ERMP1: variants seen among roughly 807,000 people sequenced by gnomAD.
The protein encoded by ERMP1 is endoplasmic reticulum metallopeptidase 1.
In ERMP1, 86 loss-of-function variants were observed where a neutral mutation model predicts 92.0. The ratio of observed to expected loss-of-function variants is 0.93; its 90% confidence interval spans 0.79 to 1.12. ERMP1 has a LOEUF of 1.12. Ranked by LOEUF, ERMP1 falls within the 50% of genes most tolerant of loss-of-function variation. ERMP1 has a pLI of 0.00. For synonymous variants in ERMP1, 530 were observed against 412.8 expected (o/e 1.28, Z -3.44); for missense variants, 1,342 against 1,116.3 (o/e 1.20, Z -2.88).
intron 13 of ERMP1, among the ~76,000 whole-genome samples, chr9:5,795,657 A>G (rs1367114012): frequency 6.6e-6 from 1 of 152,184 alleles, no homozygotes; most frequent in Non-Finnish European, 1.5e-5. Context: ...GGGTGCCTGT[A>G]TTCCCAGCTA....
chr9:5,838,952 A>G (rs1235065572), intron 6 of ERMP1, among the ~76,000 whole-genome samples: 1 of 152,218 alleles, frequency 6.6e-6, no homozygotes, highest in Non-Finnish European at 1.5e-5. Context: ...CATTTCTGCC[A>G]TGAGTTCAGT....
Position 5,824,008 on chromosome 9 carries a change from G to C in ERMP1, c.769-7C>G, listed in dbSNP as rs779963358. ...TAATGAAACCATGACTGGCCTTAAA[G>C]AGAAGGAAAGAAAACAAATATTTGT... On this transcript the variant is annotated splice_region_variant and splice_polypyrimidine_tract_variant and intron_variant, in intron 3 of 14. Coordinates refer to ENST00000339450, the MANE Select transcript of ERMP1 (RefSeq NM_024896.3). 6.3e-7 allele frequency: 1 copy of C among 1,597,480 alleles called. No homozygotes were observed. Among genetic ancestry groups the C allele is most frequent in the East Asian group, 2.2e-5 (1 of 44,822 alleles).
At chr9:5,798,006 A>G in intron 12 of ERMP1, 74 bp from the exon 13 acceptor site, 8 of 899,022 alleles carry the variant, frequency 8.9e-6, no homozygotes, top group Non-Finnish European at 1.1e-5. Context: ...AGAACTGTTC[A>G]GCATATATGA....
At chr9:5,837,684 A>G (rs907864218), upstream of ERMP1, among the ~76,000 whole-genome samples, 4 of 152,236 alleles carry the variant, frequency 2.6e-5, no homozygotes, top group South Asian at 2.1e-4. Flanking sequence ...GTGTGTGTGT[A>G]TATGCATGCG....
chr9:5,797,794 G>A (rs561494804), intron 13 of ERMP1, 23 bp downstream of exon 13: 2 of 1,440,270 alleles, frequency 1.4e-6, no homozygotes, highest in South Asian at 1.2e-5. Context: ...AAGGAGGGGA[G>A]AAAAAACTAT....
intron 4 of ERMP1, among the ~76,000 whole-genome samples, chr9:5,813,847 T>C (rs964935575): frequency 2.0e-5 from 3 of 148,980 alleles, no homozygotes; most frequent in African/African-American, 4.9e-5. Context: ...GGATACATTG[T>C]TTTATAATTT....
At chr9:5,795,884 G>A (rs1289646286) in intron 13 of ERMP1, among the ~76,000 whole-genome samples, 9 of 152,096 alleles carry the variant, frequency 5.9e-5, no homozygotes, top group Admixed American at 6.5e-5. Flanking sequence ...ATTATAGCAA[G>A]GCTGCAGGAT....
At chr9:5,823,571 C>T (rs979510850) in intron 4 of ERMP1, among the ~76,000 whole-genome samples, 1 of 152,116 alleles carries the variant, frequency 6.6e-6, no homozygotes, top group African/African-American at 2.4e-5. Flanking sequence ...AAACCTTAGG[C>T]AAGTTATAAT....
intron 13 of ERMP1, among the ~76,000 whole-genome samples, chr9:5,797,538 C>T (rs1586773740): frequency 6.6e-6 from 1 of 151,874 alleles, no homozygotes; most frequent in Admixed American, 6.6e-5. Flanking sequence ...ATCCCAAATA[C>T]TCAGGAGGCT....
rs1159042793 is a variant in ERMP1, at chr9:5,805,674, C to T, written c.1660G>A (p.Ala554Thr). ...AGCAATGGGAATGCTACCCAGACAG[C>T]ACTAATAAACGCCGAGCAAAGTCCT... ...YQGLCSAFISAVWVAFPLLTK... is the reference protein window; with the variant it reads ...YQGLCSAFISTVWVAFPLLTK... Residue 554 changes from alanine (A) to threonine (T), a missense_variant, in exon 9 of 15, where the codon GCT becomes ACT. Physicochemically the swap from Ala to Thr is moderately conservative, Grantham distance 58 (BLOSUM62 0). Coordinates refer to ENST00000339450, the MANE Select transcript of ERMP1 (RefSeq NM_024896.3). 3 of 1,613,168 alleles carry T rather than the reference C, an allele frequency of 1.9e-6. No individual in the cohort carries two copies. Among genetic ancestry groups the T allele is most frequent in the Non-Finnish European group, 2.5e-6 (3 of 1,179,660 alleles).
Position 5,798,989 on chromosome 9 carries a change from T to G in ERMP1, c.2087A>C (p.His696Pro). The G allele has an allele frequency of 1.2e-6, 2 of 1,613,624 alleles. No homozygotes were observed. The highest frequency in any genetic ancestry group is 1.7e-6 in the Non-Finnish European group (2 of 1,179,670). ...TTTAACTGCATTTCCTTCCAAGTCA[T>G]GGAATGTTCTAGTCATATGCTGAAA... ...VFLQHMTRTF[H>P]DLEGNAVKRD... Residue 696 changes from histidine to proline, a missense_variant, in exon 12 of 15, where the codon CAT becomes CCT. Transcript: ENST00000339450.
At chr9:5,790,280 A>G (rs1828130671) in intron 13 of ERMP1, among the ~76,000 whole-genome samples, 5 of 151,576 alleles carry the variant, frequency 3.3e-5, no homozygotes, top group Admixed American at 3.3e-4. Context: ...CCCGGGTTCA[A>G]GTAAAATAAT....
At chr9:5,796,635 C>A (rs1828434687) in intron 13 of ERMP1, among the ~76,000 whole-genome samples, 1 of 152,190 alleles carries the variant, frequency 6.6e-6, no homozygotes, top group Non-Finnish European at 1.5e-5. Flanking sequence ...AAAAAGGCTA[C>A]ATACTCTGTG....
intron 10 of ERMP1, among the ~76,000 whole-genome samples, chr9:5,803,269 GGC>G (rs1828742641): frequency 6.6e-6 from 1 of 152,178 alleles, no homozygotes; most frequent in African/African-American, 2.4e-5. Flanking sequence ...GATAACTCAT[GGC>G]ATCAAAGTGC....
At chr9:5,823,625 T>G (rs1045826513) in intron 4 of ERMP1, among the ~76,000 whole-genome samples, 4 of 152,202 alleles carry the variant, frequency 2.6e-5, no homozygotes, top group Non-Finnish European at 5.9e-5. Flanking sequence ...GTAACAGTAC[T>G]TATCTTACAT....
intron 6 of ERMP1, chr9:5,856,036 G>A (rs1830369337): frequency 2.7e-6 from 1 of 373,184 alleles, no homozygotes; most frequent in Admixed American, 3.3e-5. Context: ...TGAAGCCCAG[G>A]TTATATACCC....
intron 4 of ERMP1, among the ~76,000 whole-genome samples, chr9:5,821,199 C>T (rs1329131080): frequency 6.6e-6 from 1 of 152,164 alleles, no homozygotes; most frequent in Non-Finnish European, 1.5e-5. Context: ...ATATACATTG[C>T]AAAAATTTAA....
At chr9:5,798,771 C>A in intron 12 of ERMP1, 35 bp downstream of exon 12, 2 of 1,439,878 alleles carry the variant, frequency 1.4e-6, no homozygotes, top group Non-Finnish European at 2.0e-6. Context: ...GACTTGAGAA[C>A]AAACTAACCT....
intron 4 of ERMP1, among the ~76,000 whole-genome samples, chr9:5,813,785 A>G (rs1829199072): frequency 6.6e-6 from 1 of 150,886 alleles, no homozygotes; most frequent in East Asian, 1.9e-4. Flanking sequence ...TTCCATCTGT[A>G]TCTCATACAT....
Sources: allele counts gnomAD v4.1 joint callset (sites outside exome capture counted in the v4.1 genomes callset), GRCh38; gene constraint gnomAD v4.1.1; transcripts MANE v1.5; gene names NCBI Gene and HGNC (gene_info 2026-07-23, HGNC 2026-07-21).